Variants in NUP93 observed in about 807,000 individuals in gnomAD.
NUP93 encodes nuclear pore complex protein Nup93.
A neutral mutation model predicts 107.8 loss-of-function variants in NUP93; 55 were observed. The observed-to-expected ratio is 0.51, with a 90% CI of 0.41 to 0.64. The LOEUF (loss-of-function observed/expected upper bound fraction) is 0.64. Among genes scored for constraint, NUP93 ranks in the 30% least tolerant of loss-of-function variants. The probability of loss-of-function intolerance (pLI) is 0.00; values close to 1 mark genes in which losing one functional copy is unlikely to be tolerated. For missense variants in NUP93, 937 were observed against 1,044.7 expected (o/e 0.90, Z 1.42); for synonymous variants, 390 against 397.5 (o/e 0.98, Z 0.22).
intron 5 of NUP93, among the ~76,000 whole-genome samples, chr16:56,815,286 G>T (rs1963397379): frequency 6.6e-6 from 1 of 152,120 alleles, no homozygotes; most frequent in Non-Finnish European, 1.5e-5. Flanking sequence ...TTAGTGCTGT[G>T]TCCTGTAAAA....
chr16:56,830,023 C>G (rs1286858630), intron 9 of NUP93, among the ~76,000 whole-genome samples: 1 of 152,222 alleles, frequency 6.6e-6, no homozygotes, highest in East Asian at 1.9e-4. Context: ...GGGAACGGAG[C>G]TGTCTCTCAG....
chr16:56,750,494 A>G (rs1465140739), intron 2 of NUP93, among the ~76,000 whole-genome samples: 2 of 152,374 alleles, frequency 1.3e-5, no homozygotes, highest in Non-Finnish European at 2.9e-5. Context: ...GTCCAAATAC[A>G]CTGTGTTGAA....
intron 3 of NUP93, among the ~76,000 whole-genome samples, chr16:56,761,653 GTTATAAAAAGGAAATGCTGATGCATT>G (rs1962128929): frequency 6.6e-6 from 1 of 151,898 alleles, no homozygotes; most frequent in Non-Finnish European, 1.5e-5. Context: ...TTAAAGTACT[GTTATAAAAAGGAAATGCTGATGCATT>G]CTTTGACAAG....
At chr16:56,778,142 T>C (rs1962448922) in intron 3 of NUP93, among the ~76,000 whole-genome samples, 1 of 152,182 alleles carries the variant, frequency 6.6e-6, no homozygotes, top group African/African-American at 2.4e-5. Flanking sequence ...CTAAATGCCA[T>C]GGGAATTCAG....
chr16:56,751,281 G>A lies in NUP93; in HGVS notation c.179+2855G>A, dbSNP rs542420348. On this transcript the variant is annotated intron_variant, in intron 2 of 21. Coordinates refer to ENST00000308159, the MANE Select transcript of NUP93 (RefSeq NM_014669.5). Reference sequence around the variant, plus strand: ...TTTTCACATACTTCTCCATGTTCATGCAAAGCATATGTAAACATTTATTAC... The same window carrying A: ...TTTTCACATACTTCTCCATGTTCATACAAAGCATATGTAAACATTTATTAC... Among the ~76,000 whole-genome samples the A allele has an allele frequency of 1.3e-3, 203 of 152,268 alleles. 1 individual carries two copies. Among genetic ancestry groups the A allele is most frequent in the African/African-American group, 4.6e-3 (189 of 41,536 alleles).
intron 4 of NUP93, among the ~76,000 whole-genome samples, chr16:56,803,326 G>A (rs188973081): frequency 5.7e-4 from 86 of 152,178 alleles, no homozygotes; most frequent in Middle Eastern, 6.8e-3. Context: ...TTAGCCAGGT[G>A]TGGTGGTGCA....
In NUP93 at chr16:56,808,612, ATATT is replaced by A. The variant is rs1352546705; in HGVS notation, c.489+2984_489+2987del. On this transcript the variant is annotated intron_variant, in intron 5 of 21. Transcript: ENST00000308159. The stretch of plus-strand genomic sequence containing the variant: ...TAAATATATAAATACATTTATATAA[ATATT>A]TATAAATATATAAATACATTTATAT... Among the ~76,000 whole-genome samples the A allele has an allele frequency of 3.9e-3, 518 of 133,904 alleles. 14 individuals carry two copies. The highest frequency in any genetic ancestry group is 0.013 in the African/African-American group (475 of 35,428). 87.8% of individuals were successfully genotyped at this position (133,904 alleles called of 152,430 possible). A position where few individuals can be genotyped will look rare whatever the true frequency, so the allele number is the denominator to read the frequency against.
intron 20 of NUP93, 172 bp downstream of exon 20, chr16:56,839,776 A>G (rs1963985201): frequency 6.6e-6 from 4 of 607,000 alleles, no homozygotes; most frequent in Admixed American, 5.7e-5. Context: ...CTGTGAGTGC[A>G]TACATCCCCA....
intron 2 of NUP93, among the ~76,000 whole-genome samples, chr16:56,755,837 T>G (rs1962008559): frequency 6.6e-6 from 1 of 152,218 alleles, no homozygotes. Flanking sequence ...ATTGCACCAC[T>G]GTACTCCTTC....
chr16:56,783,664 A>G (rs1962562327), intron 3 of NUP93: 1 of 985,432 alleles, frequency 1.0e-6, no homozygotes, highest in Non-Finnish European at 1.2e-6. Flanking sequence ...AAAATGTCTC[A>G]GCCACCATTT....
At chr16:56,834,481 A>T in intron 15 of NUP93, 39 bp downstream of exon 15, 1 of 1,594,292 alleles carries the variant, frequency 6.3e-7, no homozygotes, top group South Asian at 1.1e-5. Context: ...CATGGTTTTC[A>T]GTGTGCATGT....
At chr16:56,740,171 C>G (rs1346643795) in intron 1 of NUP93, among the ~76,000 whole-genome samples, 33 of 94,624 alleles carry the variant, frequency 3.5e-4, no homozygotes, top group Admixed American at 4.2e-4. Flanking sequence ...CGGGCGGAGA[C>G]GCTCCTCACT....
chr16:56,747,954 G>T (rs1961849188), intron 1 of NUP93: 1 of 208,536 alleles, frequency 4.8e-6, no homozygotes, highest in Non-Finnish European at 9.7e-6. Flanking sequence ...AGGAATTCTG[G>T]TCTGTGACTT....
In NUP93 at chr16:56,811,302, C is replaced by G. The variant is rs532698111; in HGVS notation, c.489+5670C>G. Among the ~76,000 whole-genome samples the G allele has an allele frequency of 5.9e-5, 9 of 152,278 alleles. No homozygotes were observed. In the South Asian group the frequency reaches 1.9e-3, roughly 32 times the overall value. On this transcript the variant is annotated intron_variant, in intron 5 of 21. Transcript: ENST00000308159. ...TTCTGTCTTTTTAAATTTAACCATTCCAGTGTGTATGTGGAACCTTGTGTT... is the reference window on the plus strand; with the variant it reads ...TTCTGTCTTTTTAAATTTAACCATTGCAGTGTGTATGTGGAACCTTGTGTT...
intron 20 of NUP93, among the ~76,000 whole-genome samples, chr16:56,841,223 G>A (rs574253340): frequency 1.3e-5 from 2 of 152,210 alleles, no homozygotes; most frequent in African/African-American, 4.8e-5. Flanking sequence ...AGTGGTACAC[G>A]AGGGCCTGGC....
At chr16:56,762,273 C>T (rs1028078470) in intron 3 of NUP93, among the ~76,000 whole-genome samples, 3 of 152,130 alleles carry the variant, frequency 2.0e-5, no homozygotes, top group African/African-American at 4.8e-5. Flanking sequence ...TGCAAATTTA[C>T]GTAGTCCAGT....
intron 3 of NUP93, 82 bp from the exon 4 acceptor site, chr16:56,798,394 T>TA: frequency 1.7e-6 from 2 of 1,154,134 alleles, no homozygotes; most frequent in Non-Finnish European, 2.6e-6. Context: ...TAGATACCAT[T>TA]ATGGTTATTG....
intron 20 of NUP93, 43 bp from the exon 21 acceptor site, chr16:56,841,662 A>G (rs1964027255): frequency 2.5e-6 from 4 of 1,606,152 alleles, no homozygotes; most frequent in Non-Finnish European, 3.4e-6. Context: ...TTGGCCCCAA[A>G]GGCTTGGTTC....
intron 8 of NUP93, among the ~76,000 whole-genome samples, chr16:56,827,069 A>AAAACAAAAAAAAAAAAAAAAAT (rs1430722800): frequency 8.0e-6 from 1 of 125,664 alleles, no homozygotes; most frequent in Non-Finnish European, 1.7e-5. Flanking sequence ...AAAAAAAAAA[A>AAAACAAAAAAAAAAAAAAAAAT]TTTTGTTGAG....
Sources: allele counts gnomAD v4.1 joint callset (sites outside exome capture counted in the v4.1 genomes callset), GRCh38; gene constraint gnomAD v4.1.1; transcripts MANE v1.5; gene names NCBI Gene and HGNC (gene_info 2026-07-23, HGNC 2026-07-21).